The following PTPRQ variants were observed in gnomAD, a reference collection of about 807,000 sequenced individuals.
PTPRQ encodes protein tyrosine phosphatase receptor type Q, also known as phosphatidylinositol phosphatase PTPRQ.
In PTPRQ, 199 loss-of-function variants were observed where a neutral mutation model predicts 246.0. The ratio of observed to expected loss-of-function variants is 0.81; its 90% CI spans 0.72 to 0.91. The LOEUF is 0.91. PTPRQ is among the 40% of genes least tolerant of loss of function. The pLI is 0.00. For missense variants in PTPRQ, 2,624 were observed against 2,528.4 expected (o/e 1.04, Z -0.81); for synonymous variants, 869 against 853.2 (o/e 1.02, Z -0.32).
At chr12:80,488,671 C>CT (rs562601368) in intron 9 of PTPRQ, among the ~76,000 whole-genome samples, 68 of 151,994 alleles carry the variant, frequency 4.5e-4, no homozygotes, top group Non-Finnish European at 8.7e-4. Flanking sequence ...CCTTCATCAT[C>CT]TTTTTTTGTA....
At chr12:80,618,927 G>GA (rs1442667081) in intron 30 of PTPRQ, among the ~76,000 whole-genome samples, 6 of 151,382 alleles carry the variant, frequency 4.0e-5, no homozygotes, top group African/African-American at 1.5e-4. Flanking sequence ...TGTGAACATG[G>GA]AAAAAAATAT....
chr12:80,581,517 TC>T (rs1400708740), intron 25 of PTPRQ, among the ~76,000 whole-genome samples: 3 of 151,976 alleles, frequency 2.0e-5, no homozygotes, highest in Admixed American at 1.3e-4. Flanking sequence ...CGCCTGTGAT[TC>T]CAGCTACCCG....
chr12:80,673,710 G>T (rs962007217), intron 43 of PTPRQ, among the ~76,000 whole-genome samples: 3 of 152,028 alleles, frequency 2.0e-5, no homozygotes, highest in Non-Finnish European at 4.4e-5. Context: ...AGTTCTATGG[G>T]TTTTACTTCT....
chr12:80,574,699 C>G (rs1298764292), intron 25 of PTPRQ, among the ~76,000 whole-genome samples: 1 of 152,076 alleles, frequency 6.6e-6, no homozygotes, highest in African/African-American at 2.4e-5. Flanking sequence ...CCATGTACTT[C>G]CCTGTAGTTT....
At chr12:80,551,664 C>T (rs1252911806) in intron 25 of PTPRQ, among the ~76,000 whole-genome samples, 2 of 152,132 alleles carry the variant, frequency 1.3e-5, no homozygotes. Flanking sequence ...ATATTTTGCT[C>T]ATTCTCATTG....
intron 25 of PTPRQ, among the ~76,000 whole-genome samples, chr12:80,569,006 C>T (rs971668859): frequency 6.6e-6 from 1 of 151,996 alleles, no homozygotes; most frequent in Non-Finnish European, 1.5e-5. Context: ...TTGGAATGTG[C>T]AAAGGACTGA....
At chr12:80,507,066 G>T (rs1894984249) in intron 16 of PTPRQ, among the ~76,000 whole-genome samples, 1 of 151,894 alleles carries the variant, frequency 6.6e-6, no homozygotes, top group Admixed American at 6.6e-5. Flanking sequence ...TAAATGTTCA[G>T]CACTTTTTTA....
chr12:80,541,138 T>A (rs1412748704), intron 20 of PTPRQ, among the ~76,000 whole-genome samples: 1 of 152,088 alleles, frequency 6.6e-6, no homozygotes, highest in Non-Finnish European at 1.5e-5. Flanking sequence ...ACTTAATGGC[T>A]GAGCTTTAGT....
chr12:80,505,795 C>T (rs1159359511), intron 14 of PTPRQ, among the ~76,000 whole-genome samples: 1 of 151,834 alleles, frequency 6.6e-6, no homozygotes, highest in Non-Finnish European at 1.5e-5. Flanking sequence ...CATCTTATAA[C>T]TGTTATTCTG....
chr12:80,540,045 T>G (rs1896106778), intron 20 of PTPRQ, 101 bp downstream of exon 20: 1 of 1,012,976 alleles, frequency 9.9e-7, no homozygotes, highest in Non-Finnish European at 1.3e-6. Context: ...CATCTTTTAT[T>G]TAGACACGTT....
chr12:80,650,418 TCTAA>T (rs1900218957), intron 37 of PTPRQ, among the ~76,000 whole-genome samples: 1 of 152,040 alleles, frequency 6.6e-6, no homozygotes, highest in African/African-American at 2.4e-5. Flanking sequence ...AAGCATCTTT[TCTAA>T]CTTAGATGAT....
intron 3 of PTPRQ, among the ~76,000 whole-genome samples, chr12:80,450,187 T>C (rs1892706837): frequency 6.6e-6 from 1 of 152,112 alleles, no homozygotes; most frequent in African/African-American, 2.4e-5. Context: ...TTGTCTGTTA[T>C]TGGTGTATAA....
At chr12:80,535,776 T>C (rs528504391) in intron 19 of PTPRQ, among the ~76,000 whole-genome samples, 1 of 152,324 alleles carries the variant, frequency 6.6e-6, no homozygotes, top group East Asian at 1.9e-4. Flanking sequence ...ATTGGAATGA[T>C]TATGATTGAA....
At chr12:80,623,678 G>A (rs1899082098) in intron 33 of PTPRQ, among the ~76,000 whole-genome samples, 1 of 152,138 alleles carries the variant, frequency 6.6e-6, no homozygotes, top group African/African-American at 2.4e-5. Flanking sequence ...TATTTTATAG[G>A]AGCAGTGCTG....
At chr12:80,605,333 T>A (rs1470298793) in intron 27 of PTPRQ, among the ~76,000 whole-genome samples, 153 bp downstream of exon 27, 1 of 151,470 alleles carries the variant, frequency 6.6e-6, no homozygotes, top group African/African-American at 2.4e-5. Flanking sequence ...TCTGTAAAGA[T>A]TAATAATAGT....
rs146443299 is a variant in PTPRQ at position 80,526,450 on chromosome 12, A to C, written c.2679-7565A>C. ...ATTGGAAAGTGATAAGAATTTCCCC[A>C]AAAAATATATATAGTAAGGTGAAGG... On this transcript the variant is annotated intron_variant, in intron 17 of 44. Coordinates refer to ENST00000644991, the MANE Select transcript of PTPRQ (RefSeq NM_001145026.2). Among the ~76,000 whole-genome samples the C allele has an allele frequency of 1.9e-3, 291 of 152,010 alleles. 2 individuals are homozygous for C. The highest frequency in any genetic ancestry group is 6.8e-3 in the African/African-American group (283 of 41,556).
chr12:80,508,381 A>C (rs1895027255), intron 16 of PTPRQ, among the ~76,000 whole-genome samples: 1 of 152,038 alleles, frequency 6.6e-6, no homozygotes, highest in Admixed American at 6.6e-5. Context: ...GTTCCCCCAA[A>C]TTATTCACCA....
intron 17 of PTPRQ, among the ~76,000 whole-genome samples, chr12:80,523,565 T>A (rs943655656): frequency 2.0e-5 from 3 of 152,178 alleles, no homozygotes; most frequent in Admixed American, 6.6e-5. Flanking sequence ...GTATGTTGTG[T>A]CTTTGTTCTC....
intron 38 of PTPRQ, among the ~76,000 whole-genome samples, chr12:80,653,815 G>C (rs979283713): frequency 6.6e-6 from 1 of 152,124 alleles, no homozygotes; most frequent in Admixed American, 6.6e-5. Flanking sequence ...GGAAACAAAT[G>C]TAAGGAAACA....
Sources: gnomAD v4.1 joint callset for allele counts (sites outside exome capture counted in the v4.1 genomes callset) on GRCh38, gnomAD v4.1.1 for gene constraint, MANE v1.5 for transcripts, NCBI Gene and HGNC (gene_info 2026-07-23, HGNC 2026-07-21) for gene names.